EYS: variants seen among roughly 807,000 people sequenced by gnomAD.
EYS encodes the protein EGF-like photoreceptor maintenance factor, also known as protein eyes shut homolog.
Under a neutral mutation model 282.1 loss-of-function variants are expected in EYS, and 250 were observed. The observed-to-expected ratio is 0.89, with a 90% CI of 0.80 to 0.98. The LOEUF (loss-of-function observed/expected upper bound fraction) is 0.98. Among genes scored for constraint, EYS ranks in the 50% least tolerant of loss-of-function variants. The probability of loss-of-function intolerance (pLI) is 0.00; values close to 1 mark genes in which losing one functional copy is unlikely to be tolerated. For missense variants in EYS, 4,016 were observed against 3,709.0 expected, an observed-to-expected ratio of 1.08 and a Z score of -2.15; for synonymous variants, 1,355 against 1,282.9, an observed-to-expected ratio of 1.06 and a Z score of -1.20.
At chr6:64,159,142 T>G (rs1775022535) in intron 31 of EYS, among the ~76,000 whole-genome samples, 1 of 152,210 alleles carries the variant, frequency 6.6e-6, no homozygotes, top group African/African-American at 2.4e-5. Flanking sequence ...GCACACTATT[T>G]GCATACAACC....
chr6:64,738,653 T>C (rs2149958809), intron 22 of EYS, among the ~76,000 whole-genome samples: 1 of 152,366 alleles, frequency 6.6e-6, no homozygotes, highest in South Asian at 2.1e-4. Context: ...ATGTTCATAT[T>C]TGAAAATTTT....
rs1163203619 is a variant in EYS, at chr6:65,426,741, A to G, written c.863-21374T>C. 4.6e-5 allele frequency among the ~76,000 whole-genome samples: 7 copies of G among 152,128 alleles called. No homozygotes were observed. The East Asian group carries it at 1.3e-3, about 29-fold the overall frequency. On this transcript the variant is annotated intron_variant, in intron 5 of 42. Coordinates refer to ENST00000503581, the MANE Select transcript of EYS (RefSeq NM_001142800.2). ...TTCTACACTATTTTCCTTTTTAATC[A>G]TAGGCAAGGAATTTACAATACATAT...
chr6:64,668,599 G>C (rs1769320354), intron 22 of EYS, among the ~76,000 whole-genome samples: 1 of 145,702 alleles, frequency 6.9e-6, no homozygotes, highest in Non-Finnish European at 1.5e-5. Context: ...GCCCAGGCTG[G>C]AGTGCAGTGG....
chr6:63,858,803 G>T (rs1562063613), intron 36 of EYS, among the ~76,000 whole-genome samples: 1 of 152,168 alleles, frequency 6.6e-6, no homozygotes, highest in Non-Finnish European at 1.5e-5. Flanking sequence ...GATCATATCA[G>T]AGTGGATGCT....
intron 5 of EYS, among the ~76,000 whole-genome samples, chr6:65,456,028 GGGAA>G (rs1472128098): frequency 7.9e-6 from 1 of 126,400 alleles, no homozygotes; most frequent in Non-Finnish European, 1.8e-5. Context: ...AAGGAAGGAA[GGGAA>G]GAAAGAAAGA....
chr6:64,296,171 T>G (rs912452941), intron 30 of EYS, among the ~76,000 whole-genome samples: 2 of 152,186 alleles, frequency 1.3e-5, no homozygotes, highest in African/African-American at 4.8e-5. Context: ...GTACTCTAAA[T>G]TATTTGAAAA....
At chr6:65,546,226 G>T in intron 2 of EYS, among the ~76,000 whole-genome samples, 2 of 144,070 alleles carry the variant, frequency 1.4e-5, no homozygotes, top group Admixed American at 7.0e-5. Flanking sequence ...ACAGGGTTTT[G>T]CCATATTGCC....
chr6:65,009,252 A>T (rs1583392794), intron 13 of EYS, among the ~76,000 whole-genome samples: 1 of 152,258 alleles, frequency 6.6e-6, no homozygotes, highest in East Asian at 1.9e-4. Flanking sequence ...CAAGAACTCC[A>T]AAAAATTAAG....
At chr6:64,711,120 C>T (rs559551801) in intron 22 of EYS, among the ~76,000 whole-genome samples, 10 of 152,218 alleles carry the variant, frequency 6.6e-5, no homozygotes, top group East Asian at 3.9e-4. Context: ...TGTAATTAGG[C>T]GTCTCATTAC....
At chr6:63,895,905 GTTTTTTTT>G (rs10705427) in intron 35 of EYS, among the ~76,000 whole-genome samples, 34,973 of 121,558 alleles carry the variant, frequency 0.29, 3,141 homozygotes, top group African/African-American at 0.43. Flanking sequence ...ATCATGATTT[GTTTTTTTT>G]TTTTTTTTTT....
intron 22 of EYS, among the ~76,000 whole-genome samples, chr6:64,704,009 T>C (rs975230946): frequency 2.0e-5 from 3 of 152,066 alleles, no homozygotes; most frequent in African/African-American, 7.2e-5. Context: ...ATGTATTTAA[T>C]TGACTAAACA....
intron 26 of EYS, among the ~76,000 whole-genome samples, chr6:64,523,632 T>A (rs1444511303): frequency 6.6e-6 from 1 of 151,682 alleles, no homozygotes; most frequent in Non-Finnish European, 1.5e-5. Flanking sequence ...AAGAGGAGGA[T>A]GAAAATTTGT....
At chr6:64,715,568 A>C (rs1771360971) in intron 22 of EYS, among the ~76,000 whole-genome samples, 1 of 152,230 alleles carries the variant, frequency 6.6e-6, no homozygotes, top group Admixed American at 6.5e-5. Context: ...AATGGGCTGC[A>C]GATCCATTCC....
chr6:64,095,425 A>G (rs1398257246), intron 31 of EYS, among the ~76,000 whole-genome samples: 1 of 152,056 alleles, frequency 6.6e-6, no homozygotes, highest in Non-Finnish European at 1.5e-5. Context: ...TTGCTTTATG[A>G]ATCTGGGTGC....
At chr6:65,420,224 T>C (rs1767402842) in intron 5 of EYS, among the ~76,000 whole-genome samples, 1 of 151,976 alleles carries the variant, frequency 6.6e-6, no homozygotes, top group Non-Finnish European at 1.5e-5. Flanking sequence ...GAATTAAAGT[T>C]GGTCCTCGCA....
chr6:64,871,324 C>CAAAA (rs35970126), intron 19 of EYS, among the ~76,000 whole-genome samples: 1 of 131,884 alleles, frequency 7.6e-6, no homozygotes, highest in East Asian at 2.1e-4. Flanking sequence ...AGTTGCTTCT[C>CAAAA]AAAAAAAAAA....
chr6:65,312,991 C>T lies in EYS; in HGVS notation c.1767-16872G>A, dbSNP rs568042101. On this transcript the variant is annotated intron_variant, in intron 11 of 42. Transcript: ENST00000503581. ...TGTTTTGCTTTACTCCAGTCCTCAA[C>T]CCCCAGATGAGGTAGTAGAGATCCC... Among the ~76,000 whole-genome samples, 87 of 138,668 alleles carry T rather than the reference C, an allele frequency of 6.3e-4. 1 individual carries two copies. Among genetic ancestry groups the T allele is most frequent in the Non-Finnish European group, 1.3e-3 (74 of 59,160 alleles). The allele number at this position is 138,668 out of a possible 152,430, so 91.0% of individuals were successfully genotyped here. A position where few individuals can be genotyped will look rare whatever the true frequency, so the allele number is the denominator to read the frequency against.
At chr6:65,550,080 T>TTTTGTAGC (rs1441777888) in intron 2 of EYS, among the ~76,000 whole-genome samples, 2 of 151,792 alleles carry the variant, frequency 1.3e-5, no homozygotes, top group Non-Finnish European at 2.9e-5. Context: ...CACTGAGCCC[T>TTTTGTAGC]TTTGTAGCTG....
intron 28 of EYS, among the ~76,000 whole-genome samples, chr6:64,423,805 C>T (rs964212396): frequency 2.0e-5 from 3 of 151,868 alleles, no homozygotes; most frequent in African/African-American, 7.3e-5. Context: ...AAGACTCCAT[C>T]ATGGGGGAAA....
Sources: allele counts gnomAD v4.1 joint callset (sites outside exome capture counted in the v4.1 genomes callset), GRCh38; gene constraint gnomAD v4.1.1; transcripts MANE v1.5; gene names NCBI Gene and HGNC (gene_info 2026-07-23, HGNC 2026-07-21).